PTPRD: variants seen among roughly 807,000 people sequenced by gnomAD.
The protein encoded by PTPRD is protein tyrosine phosphatase receptor type D.
A neutral mutation model predicts 214.5 loss-of-function variants in PTPRD; 34 were observed. The observed-to-expected ratio is 0.16, with a 90% CI of 0.12 to 0.21. The LOEUF (loss-of-function observed/expected upper bound fraction) is 0.21, where lower values mean the gene tolerates loss of function less well. Ranked by LOEUF, PTPRD falls within the 10% of genes least tolerant of loss-of-function variation. PTPRD has a pLI of 1.00. For missense variants in PTPRD, 2,545 were observed against 2,398.7 expected (o/e 1.06, Z -1.27); for synonymous variants, 1,128 against 845.7 (o/e 1.33, Z -5.79).
chr9:8,485,476 T>C (rs1453251874), intron 28 of PTPRD, 152 bp from the exon 29 acceptor site: 5 of 631,448 alleles, frequency 7.9e-6, no homozygotes, highest in African/African-American at 1.8e-5. Context: ...GCATTCATTT[T>C]AATACCCCAT....
At chr9:8,640,467 T>A (rs1015064909) in intron 12 of PTPRD, among the ~76,000 whole-genome samples, 2 of 151,860 alleles carry the variant, frequency 1.3e-5, no homozygotes, top group Admixed American at 6.6e-5. Flanking sequence ...GGTAAACTTA[T>A]TAAAATAACC....
chr9:8,624,869 G>A (rs575795881), intron 14 of PTPRD, among the ~76,000 whole-genome samples: 9 of 151,722 alleles, frequency 5.9e-5, no homozygotes, highest in Admixed American at 5.3e-4. Context: ...TCTCAATCAC[G>A]CTCTTCATCT....
intron 9 of PTPRD, among the ~76,000 whole-genome samples, chr9:9,247,851 T>C (rs1219524590): frequency 6.6e-6 from 1 of 152,096 alleles, no homozygotes; most frequent in African/African-American, 2.4e-5. Context: ...TGATGCACAT[T>C]GAAGTTTGAG....
chr9:10,306,274 G>C (rs576475736), intron 3 of PTPRD, among the ~76,000 whole-genome samples: 18 of 151,386 alleles, frequency 1.2e-4, no homozygotes, highest in African/African-American at 4.4e-4. Flanking sequence ...GCCTGTCGTG[G>C]GGTGGGGGGG....
intron 14 of PTPRD, among the ~76,000 whole-genome samples, chr9:8,594,428 A>AT (rs1293993468): frequency 2.0e-5 from 3 of 152,190 alleles, no homozygotes; most frequent in African/African-American, 7.2e-5. Flanking sequence ...CAGAACTCAA[A>AT]TATATAATAT....
intron 11 of PTPRD, among the ~76,000 whole-genome samples, chr9:9,016,714 T>C (rs927474449): frequency 6.6e-6 from 1 of 152,100 alleles, no homozygotes. Flanking sequence ...ACTGTAGCAG[T>C]CTTTGCAAAG....
intron 8 of PTPRD, among the ~76,000 whole-genome samples, chr9:9,407,324 C>A (rs1460799190): frequency 6.6e-6 from 1 of 151,626 alleles, no homozygotes; most frequent in African/African-American, 2.4e-5. Flanking sequence ...ATGGTGAATT[C>A]ATCCAATTTA....
At chr9:8,505,222 C>T (rs539948261) in intron 22 of PTPRD, among the ~76,000 whole-genome samples, 1 of 152,214 alleles carries the variant, frequency 6.6e-6, no homozygotes, top group South Asian at 2.1e-4. Context: ...TGAACATCAG[C>T]CTGCAGTAAA....
chr9:9,128,742 G>C (rs188667042), intron 10 of PTPRD, among the ~76,000 whole-genome samples: 4 of 152,206 alleles, frequency 2.6e-5, no homozygotes, highest in Non-Finnish European at 5.9e-5. Flanking sequence ...TTTAGGTTTC[G>C]TGTAAAAGAC....
intron 31 of PTPRD, among the ~76,000 whole-genome samples, chr9:8,468,217 A>G (rs573648114): frequency 3.9e-5 from 6 of 152,150 alleles, no homozygotes; most frequent in South Asian, 4.1e-4. Flanking sequence ...AGGTTGCTCT[A>G]ATCTCTGCAG....
At chr9:8,386,383 T>C (rs1345230847) in intron 37 of PTPRD, among the ~76,000 whole-genome samples, 2 of 152,232 alleles carry the variant, frequency 1.3e-5, no homozygotes, top group African/African-American at 2.4e-5. Flanking sequence ...TCAGTGGCAG[T>C]CTAGCATACT....
At chr9:10,226,673 T>A (rs1052933250) in intron 3 of PTPRD, among the ~76,000 whole-genome samples, 4 of 152,066 alleles carry the variant, frequency 2.6e-5, no homozygotes, top group Non-Finnish European at 4.4e-5. Context: ...TACTGTTCAC[T>A]TGCCCATGAA....
Position 9,262,490 on chromosome 9 carries a change from C to T in PTPRD, c.-202-79127G>A, listed in dbSNP as rs2099980569. 1.3e-5 allele frequency among the ~76,000 whole-genome samples: 2 copies of T among 151,272 alleles called. 1 individual carries two copies. Among genetic ancestry groups the T allele is most frequent in the Admixed American group, 1.3e-4 (2 of 15,128 alleles). On this transcript the variant is annotated intron_variant, in intron 9 of 45. Transcript: ENST00000381196. ...AGTCACATTTCGAATGCTCAATAGT[C>T]ACATGTAGCTAAAGGCTACTATATT...
rs74715488 is a variant in PTPRD, at chr9:9,473,205, G to A, written c.-236-75723C>T. Among the ~76,000 whole-genome samples, 965 of 152,168 alleles carry A rather than the reference G, an allele frequency of 6.3e-3. 31 individuals carry two copies. Among genetic ancestry groups the A allele is most frequent in the East Asian group, 0.061 (315 of 5,166 alleles). ...ATTTTTAGTTCTCACATATAACTGA[G>A]AACACATGAATGAAAACATGCAATA... is the stretch of plus-strand genomic sequence containing the variant. On this transcript the variant is annotated intron_variant, in intron 8 of 45. Transcript: ENST00000381196.
At chr9:10,135,399 A>C (rs1417079319) in intron 3 of PTPRD, among the ~76,000 whole-genome samples, 1 of 152,094 alleles carries the variant, frequency 6.6e-6, no homozygotes, top group East Asian at 1.9e-4. Context: ...ACACTATATA[A>C]GATGGCCAAA....
chr9:10,111,015 G>C (rs1173582399), intron 3 of PTPRD, among the ~76,000 whole-genome samples: 2 of 152,082 alleles, frequency 1.3e-5, no homozygotes, highest in Non-Finnish European at 2.9e-5. Context: ...ACACATGAGA[G>C]AGTGCTGGGT....
intron 9 of PTPRD, among the ~76,000 whole-genome samples, chr9:9,286,307 G>T (rs376723280): frequency 3.3e-5 from 5 of 151,794 alleles, no homozygotes; most frequent in Non-Finnish European, 7.4e-5. Context: ...TTTGTTATCA[G>T]ATGAGTCCCA....
intron 8 of PTPRD, among the ~76,000 whole-genome samples, chr9:9,434,847 T>C (rs955228813): frequency 6.7e-6 from 1 of 148,538 alleles, no homozygotes; most frequent in Non-Finnish European, 1.5e-5. Flanking sequence ...TATTTTTATA[T>C]AGTATAATAT....
intron 4 of PTPRD, among the ~76,000 whole-genome samples, chr9:9,943,582 G>T (rs2092014524): frequency 6.6e-6 from 1 of 152,122 alleles, no homozygotes; most frequent in Non-Finnish European, 1.5e-5. Flanking sequence ...CAAATAATAT[G>T]CTATATTAGA....
Sources: gnomAD v4.1 joint callset for allele counts (sites outside exome capture counted in the v4.1 genomes callset) on GRCh38, gnomAD v4.1.1 for gene constraint, MANE v1.5 for transcripts, NCBI Gene and HGNC (gene_info 2026-07-23, HGNC 2026-07-21) for gene names.